Variants in SRCIN1 observed in about 807,000 individuals in gnomAD.
SRCIN1 encodes the protein P130Cas-associated protein.
Under a neutral mutation model 116.2 loss-of-function variants are expected in SRCIN1, and 50 were observed. The observed-to-expected ratio is 0.43, with a 90% CI of 0.34 to 0.54. The LOEUF (loss-of-function observed/expected upper bound fraction) is 0.54, where lower values mean the gene tolerates loss of function less well. Ranked by LOEUF, SRCIN1 falls within the 20% of genes least tolerant of loss-of-function variation. The pLI, the probability that SRCIN1 is intolerant of heterozygous loss-of-function variation, is 0.02. For synonymous variants in SRCIN1, 736 were observed against 750.0 expected, an observed-to-expected ratio of 0.98 and a Z score of 0.30; for missense variants, 1,446 against 1,672.0, an observed-to-expected ratio of 0.86 and a Z score of 2.36.
intron 18 of SRCIN1, among the ~76,000 whole-genome samples, chr17:38,538,602 G>T (rs1005230267): frequency 6.6e-6 from 1 of 152,006 alleles, no homozygotes; most frequent in African/African-American, 2.4e-5. Context: ...TTGAATCAGG[G>T]TTCCTGTTCC....
rs539365816 is a variant in SRCIN1 at position 38,567,093 on chromosome 17, C to T, written c.345+1118G>A. Among the ~76,000 whole-genome samples the T allele has an allele frequency of 1.5e-4, 23 of 152,296 alleles. No homozygotes were observed. In the East Asian group the frequency reaches 4.0e-3, roughly 27 times the overall value. On this transcript the variant is annotated intron_variant, in intron 3 of 18. Coordinates refer to ENST00000617146, the MANE Select transcript of SRCIN1 (RefSeq NM_025248.3). ...CACCTCAGCCTCCCTCCTTGGCCAA[C>T]AAGTTCTCACTACATTGCCCAGGCT...
chr17:38,603,334 C>T (rs1008602506), intron 1 of SRCIN1, among the ~76,000 whole-genome samples: 7 of 151,800 alleles, frequency 4.6e-5, no homozygotes, highest in African/African-American at 7.3e-5. Flanking sequence ...GATGAGGCCA[C>T]GAAGACCCCA....
Position 38,558,351 on chromosome 17 carries a change from G to A in SRCIN1, c.2077C>T (p.Leu693=), listed in dbSNP as rs746464942. 6.2e-7 allele frequency: 1 copy of A among 1,608,766 alleles called. No homozygotes were observed. Among genetic ancestry groups the A allele is most frequent in the Admixed American group, 1.7e-5 (1 of 59,964 alleles). ...GCCGCCTCCGACACGCGCATGCTCA[G>A]CTCTGCCTCCGTGCGCTTCAGCAGC... ...RALLKRTEAE[L]SMRVSEAARR... is the part of the protein sequence containing the mutation. Residue 693 remains leucine, a synonymous_variant, in exon 11 of 19, where the codon CTG becomes TTG. Coordinates refer to ENST00000617146, the MANE Select transcript of SRCIN1 (RefSeq NM_025248.3). The surrounding 1 kb of genome is among the most constrained non-coding windows in gnomAD (Gnocchi z 4.6).
intron 11 of SRCIN1, among the ~76,000 whole-genome samples, chr17:38,553,772 G>T (rs1464428310): frequency 6.6e-6 from 1 of 152,172 alleles, no homozygotes; most frequent in Non-Finnish European, 1.5e-5. Context: ...AGCCAAGAAG[G>T]GCAGGAAGGT....
At chr17:38,583,532 CT>C (rs1416627048) in intron 1 of SRCIN1, among the ~76,000 whole-genome samples, 1 of 136,876 alleles carries the variant, frequency 7.3e-6, no homozygotes, top group Non-Finnish European at 1.6e-5. Flanking sequence ...AGGTTGTTTT[CT>C]TTTTTTCATT....
Position 38,603,223 on chromosome 17 carries a change from GAA to G in SRCIN1, c.22+2459_22+2460del, listed in dbSNP as rs1467073046. On this transcript the variant is annotated intron_variant, in intron 1 of 18. Transcript: ENST00000617146. ...GAGGGGGGAGAGGGGGAGAGAGAGA[GAA>G]AGAGAGAGAGAGAGCGCGAGAGTGC... is the stretch of plus-strand genomic sequence containing the variant. 2.6e-5 allele frequency among the ~76,000 whole-genome samples: 4 copies of G among 152,092 alleles called. No homozygotes were observed. The East Asian group carries it at 5.8e-4, about 22-fold the overall frequency.
intron 1 of SRCIN1, among the ~76,000 whole-genome samples, chr17:38,599,166 G>A (rs778166455): frequency 6.6e-6 from 1 of 152,128 alleles, no homozygotes; most frequent in Non-Finnish European, 1.5e-5. Context: ...AGCTCTGGAA[G>A]GGAGCTTGAA....
At chr17:38,598,706 G>A (rs1908855068) in intron 1 of SRCIN1, among the ~76,000 whole-genome samples, 1 of 152,190 alleles carries the variant, frequency 6.6e-6, no homozygotes, top group Non-Finnish European at 1.5e-5. Flanking sequence ...GCAGGCAACC[G>A]AGGCAGGTGG....
At chr17:38,548,933 C>A in intron 16 of SRCIN1, 123 bp downstream of exon 16, 2 of 1,305,028 alleles carry the variant, frequency 1.5e-6, no homozygotes, top group African/African-American at 1.5e-5. Context: ...CCGGCCACTC[C>A]CTCTTTCCTT....
chr17:38,599,571 T>C (rs913924899), intron 1 of SRCIN1, among the ~76,000 whole-genome samples: 4 of 152,162 alleles, frequency 2.6e-5, no homozygotes, highest in African/African-American at 9.7e-5. Context: ...GAGCCTCCCA[T>C]CCTGAAGTGG....
rs766521338 is a variant in SRCIN1 at position 38,548,608 on chromosome 17, G to A, written c.3219C>T (p.Ala1073=). The A allele has an allele frequency of 7.4e-6, 12 of 1,612,998 alleles. No homozygotes were observed. In the African/African-American group the frequency reaches 1.5e-4, roughly 20 times the overall value. ...CGTCATCCTCGTCCTTGATGGCCGA[G>A]GCCATGATGGGTGGTGTGGAGGCTG... is the stretch of plus-strand genomic sequence containing the variant. ...ARPASTPPIM[A]SAIKDEDDED... Residue 1073 remains alanine (A), a synonymous_variant, in exon 17 of 19, where the codon GCC becomes GCT. Coordinates refer to ENST00000617146, the MANE Select transcript of SRCIN1 (RefSeq NM_025248.3).
At chr17:38,595,809 C>T (rs1159228393) in intron 1 of SRCIN1, among the ~76,000 whole-genome samples, 3 of 152,236 alleles carry the variant, frequency 2.0e-5, no homozygotes, top group Non-Finnish European at 2.9e-5. Context: ...CACACATGTA[C>T]ATGCACGCGT....
intron 2 of SRCIN1, among the ~76,000 whole-genome samples, chr17:38,569,971 C>T (rs936091195): frequency 6.6e-6 from 1 of 152,102 alleles, no homozygotes; most frequent in African/African-American, 2.4e-5. Context: ...CGGTGATGGA[C>T]CGCTCTGCAG....
In SRCIN1 at chr17:38,593,392, CAG is replaced by C. The variant is rs1406263022; in HGVS notation, c.22+12290_22+12291del. Among the ~76,000 whole-genome samples the C allele has an allele frequency of 3.3e-5, 5 of 152,012 alleles. No homozygotes were observed. The East Asian group carries it at 9.7e-4, about 29-fold the overall frequency. ...ACAGAGGAGCCCTGCTGCCAGAGTG[CAG>C]AGAGTGAGGAAAAGGGGCACGAGGG... is the stretch of plus-strand genomic sequence containing the variant. On this transcript the variant is annotated intron_variant, in intron 1 of 18. Transcript: ENST00000617146.
upstream of SRCIN1, chr17:38,605,964 G>C (rs943831165): frequency 2.1e-5 from 3 of 144,394 alleles, no homozygotes; most frequent in Non-Finnish European, 3.1e-5. Context: ...CGCGCGCGCG[G>C]GCCGGCGCGG....
chr17:38,565,027 A>G (rs1906589785), intron 3 of SRCIN1, among the ~76,000 whole-genome samples: 1 of 152,086 alleles, frequency 6.6e-6, no homozygotes, highest in Non-Finnish European at 1.5e-5. Context: ...GCTGCCACAC[A>G]GCCAGCCAGC....
At position 38,552,768 on chromosome 17, in the gene SRCIN1, T is replaced by C. The variant is rs765045747; in HGVS notation, c.2289A>G (p.Ala763=). 6.2e-7 allele frequency: 1 copy of C among 1,613,986 alleles called. No individual in the cohort carries two copies. Among genetic ancestry groups the C allele is most frequent in the East Asian group, 2.2e-5 (1 of 44,876 alleles). The change falls in exon 12 of 19, where the codon GCA becomes GCG. Residue 763 remains alanine (A), a synonymous_variant. Coordinates refer to ENST00000617146, the MANE Select transcript of SRCIN1 (RefSeq NM_025248.3). This position sits in a 1 kb window ranked among gnomAD's most constrained non-coding sequence, Gnocchi z 5.3. ...TCTCCCCGAGCTGCTTCAGCACCAG[T>C]GCCTTCTCCTCCAGCTCAGGGCCGG... ...LVPGPELEEK[A]LVLKQLGETL... is the part of the protein sequence containing the mutation.
intron 2 of SRCIN1, among the ~76,000 whole-genome samples, chr17:38,571,997 C>G (rs1278408843): frequency 1.3e-5 from 2 of 152,262 alleles, no homozygotes; most frequent in South Asian, 2.1e-4. Flanking sequence ...GCTAGGGCCC[C>G]TGGGGAGGCT....
Position 38,558,518 on chromosome 17 carries a change from G to T in SRCIN1, c.2026-116C>A. Reference sequence around the variant, plus strand: ...CAATCCAGGGCGGGGCTCTGCAGAAGAAGCGGCTGCTTGGCTCCGCCTCAG... The same window carrying T: ...CAATCCAGGGCGGGGCTCTGCAGAATAAGCGGCTGCTTGGCTCCGCCTCAG... On this transcript the variant is annotated intron_variant, in intron 10 of 18. Coordinates refer to ENST00000617146, the MANE Select transcript of SRCIN1 (RefSeq NM_025248.3). This position sits in a 1 kb window ranked among gnomAD's most constrained non-coding sequence, Gnocchi z 4.6. The T allele has an allele frequency of 8.0e-7, 1 of 1,257,498 alleles. No homozygotes were observed. The highest frequency in any genetic ancestry group is 1.1e-6 in the Non-Finnish European group (1 of 936,214). 77.9% of individuals were successfully genotyped at this position (1,257,498 alleles called of 1,614,324 possible). A position where few individuals can be genotyped will look rare whatever the true frequency, so the allele number is the denominator to read the frequency against.
Sources: gnomAD v4.1 joint callset for allele counts (sites outside exome capture counted in the v4.1 genomes callset) on GRCh38, gnomAD v4.1.1 for gene constraint, Gnocchi (gnomAD v3.1) non-coding constraint, MANE v1.5 for transcripts, NCBI Gene and HGNC (gene_info 2026-07-23, HGNC 2026-07-21) for gene names.